DAB1: variants seen among roughly 807,000 people sequenced by gnomAD.
DAB1 encodes disabled homolog 1.
Under a neutral mutation model 64.6 loss-of-function variants are expected in DAB1, and 15 were observed. The ratio of observed to expected loss-of-function variants is 0.23; its 90% CI spans 0.16 to 0.36. The LOEUF is 0.36. Among genes scored for constraint, DAB1 ranks in the 10% least tolerant of loss-of-function variants. The pLI is 1.00. For synonymous variants in DAB1, 235 were observed against 251.9 expected (o/e 0.93, Z 0.64); for missense variants, 596 against 706.7 (o/e 0.84, Z 1.78).
chr1:58,449,840 C>T (rs1645113283), intron 3 of DAB1, among the ~76,000 whole-genome samples: 1 of 152,162 alleles, frequency 6.6e-6, no homozygotes, highest in Non-Finnish European at 1.5e-5. Flanking sequence ...TCTAATAATT[C>T]ATCTGTTTTC....
chr1:57,232,853 T>G (rs1667787577), intron 2 of DAB1, among the ~76,000 whole-genome samples: 1 of 152,154 alleles, frequency 6.6e-6, no homozygotes, highest in African/African-American at 2.4e-5. Flanking sequence ...GTAGTAAAAT[T>G]TCTTTGGAAA....
intron 4 of DAB1, among the ~76,000 whole-genome samples, chr1:58,291,176 A>G: frequency 6.6e-6 from 1 of 152,290 alleles, no homozygotes; most frequent in Admixed American, 6.5e-5. Context: ...AGTCTGAGTC[A>G]CTCCACAGCC....
At chr1:58,327,259 T>C (rs549918234) in intron 4 of DAB1, among the ~76,000 whole-genome samples, 1 of 151,860 alleles carries the variant, frequency 6.6e-6, no homozygotes, top group Non-Finnish European at 1.5e-5. Flanking sequence ...CTTCCCATGA[T>C]AATAAATAGA....
intron 5 of DAB1, among the ~76,000 whole-genome samples, chr1:57,982,090 A>G (rs1341127338): frequency 6.6e-6 from 1 of 152,158 alleles, no homozygotes; most frequent in Non-Finnish European, 1.5e-5. Context: ...CCTAGCAGGG[A>G]GCATTTTTCA....
Position 57,748,783 on chromosome 1 carries a change from A to G in DAB1, n.552-99118T>C, listed in dbSNP as rs112694631. Among the ~76,000 whole-genome samples the G allele has an allele frequency of 1.2e-4, 18 of 152,260 alleles. No homozygotes were observed. The East Asian group carries it at 3.5e-3, about 29-fold the overall frequency. On this transcript the variant is annotated intron_variant and non_coding_transcript_variant, in intron 6 of 20. Coordinates refer to the DAB1 transcript ENST00000485760. ...TTCTTCTGAGAATCTTTAGAGTAGG[A>G]TTCTTTGAGTCTATAGCAATATCCA...
intron 5 of DAB1, among the ~76,000 whole-genome samples, chr1:58,107,612 T>A (rs1283736500): frequency 6.6e-6 from 1 of 151,636 alleles, no homozygotes; most frequent in Non-Finnish European, 1.5e-5. Context: ...TCTGTTTTTG[T>A]TTTTGTTTTT....
chr1:57,210,282 AAAATAACCAAAAGC>A (rs1405267511), intron 2 of DAB1, among the ~76,000 whole-genome samples: 1 of 152,218 alleles, frequency 6.6e-6, no homozygotes, highest in Non-Finnish European at 1.5e-5. Flanking sequence ...ATGATTTTTA[AAAATAACCAAAAGC>A]ACACTTGCAA....
At chr1:58,300,391 C>CA (rs1662094049) in intron 4 of DAB1, among the ~76,000 whole-genome samples, 1 of 151,476 alleles carries the variant, frequency 6.6e-6, no homozygotes, top group Non-Finnish European at 1.5e-5. Flanking sequence ...ACTGAAAATA[C>CA]AAAAAATTAG....
At chr1:57,846,074 G>A (rs892932918) in intron 1 of DAB1, among the ~76,000 whole-genome samples, 4 of 152,070 alleles carry the variant, frequency 2.6e-5, no homozygotes, top group African/African-American at 9.7e-5. Context: ...GTGTGGGGGA[G>A]GGTTATTGAA....
At chr1:57,515,618 C>T (rs1386246342) in intron 7 of DAB1, among the ~76,000 whole-genome samples, 1 of 152,156 alleles carries the variant, frequency 6.6e-6, no homozygotes, top group Non-Finnish European at 1.5e-5. Flanking sequence ...GGATAGTCAA[C>T]CAGATTGCTG....
chr1:57,771,579 T>C (rs1264033713), intron 6 of DAB1, among the ~76,000 whole-genome samples: 1 of 152,158 alleles, frequency 6.6e-6, no homozygotes, highest in Non-Finnish European at 1.5e-5. Flanking sequence ...AAAATCAGCT[T>C]TATTGATGCA....
At chr1:58,373,955 T>A (rs1177933519) in intron 3 of DAB1, among the ~76,000 whole-genome samples, 2 of 147,820 alleles carry the variant, frequency 1.4e-5, no homozygotes, top group South Asian at 4.5e-4. Flanking sequence ...TTTCATGTGT[T>A]TCTTGGCTGC....
Position 58,274,297 on chromosome 1 carries a change from T to C in DAB1, n.309+69055A>G, listed in dbSNP as rs1569591309. 3.5e-5 allele frequency among the ~76,000 whole-genome samples: 4 copies of C among 113,402 alleles called. No homozygotes were observed. The East Asian group carries it at 8.1e-4, about 23-fold the overall frequency. 74.4% of individuals were successfully genotyped at this position (113,402 alleles called of 152,430 possible). A position where few individuals can be genotyped will look rare whatever the true frequency, so the allele number is the denominator to read the frequency against. On this transcript the variant is annotated intron_variant and non_coding_transcript_variant, in intron 4 of 20. Coordinates refer to the DAB1 transcript ENST00000485760. ...GTGTCAGTGTGCCCCTGCTGGGGGG[T>C]GCCTCCCAGTTAGGCTGCTCGGGGG...
chr1:57,515,470 C>A (rs1319264161), intron 7 of DAB1, among the ~76,000 whole-genome samples: 2 of 152,186 alleles, frequency 1.3e-5, no homozygotes, highest in Non-Finnish European at 2.9e-5. Context: ...TTTGTATCAG[C>A]TGATTCTTCA....
At chr1:58,136,276 TA>T (rs1241961930) in intron 5 of DAB1, among the ~76,000 whole-genome samples, 2 of 152,144 alleles carry the variant, frequency 1.3e-5, no homozygotes, top group African/African-American at 2.4e-5. Context: ...CCACCACCCA[TA>T]TTTTCTAATG....
chr1:58,403,816 C>A (rs927303970), intron 3 of DAB1, among the ~76,000 whole-genome samples: 1 of 152,026 alleles, frequency 6.6e-6, no homozygotes, highest in South Asian at 2.1e-4. Flanking sequence ...TGCATGCGCA[C>A]GCATTCACAC....
chr1:57,877,487 G>A (rs1430255947), intron 1 of DAB1, among the ~76,000 whole-genome samples: 3 of 151,700 alleles, frequency 2.0e-5, no homozygotes. Context: ...TCCTGAGTCA[G>A]TCCTAGTCCA....
chr1:57,330,837 A>G (rs535962153), intron 1 of DAB1, among the ~76,000 whole-genome samples: 1 of 152,204 alleles, frequency 6.6e-6, no homozygotes, highest in Admixed American at 6.5e-5. Context: ...GTACAGTGTG[A>G]ACCCTCGGCA....
At chr1:57,522,174 T>C (rs1160605466) in intron 7 of DAB1, among the ~76,000 whole-genome samples, 1 of 151,838 alleles carries the variant, frequency 6.6e-6, no homozygotes, top group African/African-American at 2.4e-5. Flanking sequence ...AGGCACTAGA[T>C]TCCAACAAAG....
Sources: gnomAD v4.1 joint callset for allele counts (sites outside exome capture counted in the v4.1 genomes callset) on GRCh38, gnomAD v4.1.1 for gene constraint, MANE v1.5 for transcripts, NCBI Gene and HGNC (gene_info 2026-07-23, HGNC 2026-07-21) for gene names.